The following TBCD variants were observed in gnomAD, a reference collection of about 807,000 sequenced individuals.
TBCD encodes tubulin folding cofactor D, also known as tubulin-specific chaperone D.
TBCD carries 105 observed loss-of-function variants against 169.3 expected under a neutral mutation model. The ratio of observed to expected loss-of-function variants is 0.62; its 90% CI spans 0.53 to 0.73. The LOEUF (loss-of-function observed/expected upper bound fraction) is 0.73, where lower values mean the gene tolerates loss of function less well. TBCD is among the 30% of genes least tolerant of loss of function. TBCD has a pLI of 0.00. For synonymous variants in TBCD, 700 were observed against 643.9 expected (o/e 1.09, Z -1.32); for missense variants, 1,444 against 1,600.1 (o/e 0.90, Z 1.66).
rs186304812 is a variant in TBCD, at chr17:82,757,199, G to T, written c.235+984G>T. On this transcript the variant is annotated intron_variant, in intron 2 of 38. Transcript: ENST00000355528. ...CAGTTTTTGAGCTGCTCTTTGCCGG[G>T]GTTTCCTCGCCCCCCGTGGTGTTGA... 2.7e-3 allele frequency among the ~76,000 whole-genome samples: 411 copies of T among 152,264 alleles called. 2 individuals are homozygous for T. Among genetic ancestry groups the T allele is most frequent in the East Asian group, 6.2e-3 (32 of 5,186 alleles).
chr17:82,906,835 G>A (rs1385280531), intron 20 of TBCD, among the ~76,000 whole-genome samples: 4 of 152,368 alleles, frequency 2.6e-5, no homozygotes, highest in South Asian at 2.1e-4. Flanking sequence ...ACGCTCGCTC[G>A]TGTGGGTGCA....
intron 7 of TBCD, among the ~76,000 whole-genome samples, chr17:82,784,159 C>T (rs1455183084): frequency 6.6e-6 from 1 of 152,034 alleles, no homozygotes; most frequent in East Asian, 1.9e-4. Flanking sequence ...CAACTTAATA[C>T]TTTCAGTACC....
intron 14 of TBCD, among the ~76,000 whole-genome samples, chr17:82,879,455 C>T (rs1224785428): frequency 6.6e-6 from 1 of 152,238 alleles, no homozygotes; most frequent in Non-Finnish European, 1.5e-5. Flanking sequence ...GAGCAACAGA[C>T]TCACCACTCA....
At position 82,880,928 on chromosome 17, in the gene TBCD, G is replaced by C. The variant is rs537830742; in HGVS notation, c.1476-3217G>C. 3.2e-5 allele frequency among the ~76,000 whole-genome samples: 4 copies of C among 123,532 alleles called. No individual in the cohort carries two copies. Among genetic ancestry groups the C allele is most frequent in the Non-Finnish European group, 5.9e-5 (3 of 51,036 alleles). The allele number at this position is 123,532 out of a possible 152,430, so 81.0% of individuals were successfully genotyped here. On this transcript the variant is annotated intron_variant, in intron 14 of 38. Coordinates refer to ENST00000355528, the MANE Select transcript of TBCD (RefSeq NM_005993.5). This position sits in a 1 kb window ranked among gnomAD's most constrained non-coding sequence, Gnocchi z 5.0. Reference sequence around the variant, plus strand: ...CTTTGGATGGCTCCAGGCGGAACTCGGGGAAGGAGGCCGTGTACTCCCATA... The same window carrying C: ...CTTTGGATGGCTCCAGGCGGAACTCCGGGAAGGAGGCCGTGTACTCCCATA...
intron 7 of TBCD, among the ~76,000 whole-genome samples, chr17:82,794,959 GC>G (rs2049997661): frequency 6.6e-6 from 1 of 152,226 alleles, no homozygotes; most frequent in African/African-American, 2.4e-5. Flanking sequence ...ATGGTGGCGG[GC>G]CCTGGCCTTG....
At chr17:82,888,928 C>G (rs189912635) in intron 15 of TBCD, among the ~76,000 whole-genome samples, 1 of 152,188 alleles carries the variant, frequency 6.6e-6, no homozygotes, top group African/African-American at 2.4e-5. Flanking sequence ...CGTGGGTGCA[C>G]TTTGCTGGGT....
At chr17:82,853,675 G>A (rs143978216) in intron 13 of TBCD, among the ~76,000 whole-genome samples, 2 of 152,056 alleles carry the variant, frequency 1.3e-5, no homozygotes, top group East Asian at 1.9e-4. Context: ...AAAGTATTGC[G>A]ATTACAGGCA....
chr17:82,753,605 C>T (rs968057900), intron 1 of TBCD, among the ~76,000 whole-genome samples: 1 of 151,552 alleles, frequency 6.6e-6, no homozygotes, highest in Non-Finnish European at 1.5e-5. Context: ...TACAGGCGCG[C>T]GCCACCACGC....
intron 9 of TBCD, among the ~76,000 whole-genome samples, chr17:82,805,156 G>A (rs927516206): frequency 5.3e-5 from 8 of 152,264 alleles, no homozygotes; most frequent in Non-Finnish European, 8.8e-5. Context: ...GCTGCACGCC[G>A]AGCGCAGACT....
At chr17:82,914,619 C>G (rs6502014) in intron 23 of TBCD, among the ~76,000 whole-genome samples, 8,385 of 152,294 alleles carry the variant, frequency 0.055, 533 homozygotes, top group African/African-American at 0.15. Flanking sequence ...CCATGCTGCC[C>G]ACGCCCTCCC....
intron 13 of TBCD, among the ~76,000 whole-genome samples, chr17:82,846,674 CCT>C (rs1015747985): frequency 6.6e-6 from 1 of 152,236 alleles, no homozygotes; most frequent in African/African-American, 2.4e-5. Context: ...GGCCTGGACA[CCT>C]CTCTGCCCCC....
rs1345816565 is a variant in TBCD, at chr17:82,915,345, G to A, written c.2038+3556G>A. Among the ~76,000 whole-genome samples, 2 of 152,180 alleles carry A rather than the reference G, an allele frequency of 1.3e-5. No homozygotes were observed. The highest frequency in any genetic ancestry group is 6.5e-5 in the Admixed American group (1 of 15,280). ...GTGGCTCAACCCTTGGGAGTCGTCT[G>A]CGTCCCCATATCAAAGAAATGTCAT... On this transcript the variant is annotated intron_variant, in intron 23 of 38. Transcript: ENST00000355528. This position sits in a 1 kb window ranked among gnomAD's most constrained non-coding sequence, Gnocchi z 4.3.
intron 32 of TBCD, chr17:82,929,745 G>T: frequency 3.2e-6 from 2 of 624,122 alleles, no homozygotes; most frequent in South Asian, 1.9e-5. Flanking sequence ...TCCTGCGGCC[G>T]CAGCCTTGGA....
At chr17:82,925,192 C>G in intron 27 of TBCD, 135 bp downstream of exon 27, 4 of 726,098 alleles carry the variant, frequency 5.5e-6, no homozygotes, top group Non-Finnish European at 8.9e-6. Context: ...TGGAAACCGG[C>G]ACCTGTGGCC....
intron 13 of TBCD, among the ~76,000 whole-genome samples, chr17:82,848,394 G>A (rs2055339242): frequency 6.6e-6 from 1 of 152,048 alleles, no homozygotes. Context: ...TCTTTGATTG[G>A]GAAACCCAAT....
chr17:82,902,176 C>T (rs1006143091), intron 18 of TBCD, among the ~76,000 whole-genome samples: 3 of 152,128 alleles, frequency 2.0e-5, no homozygotes, highest in Non-Finnish European at 4.4e-5. Context: ...GCGGAACGGC[C>T]CTCATTGTCT....
Position 82,889,500 on chromosome 17 carries a change from T to TA in TBCD, c.1534-163dup, listed in dbSNP as rs971421157. On this transcript the variant is annotated intron_variant, in intron 15 of 38. Coordinates refer to ENST00000355528, the MANE Select transcript of TBCD (RefSeq NM_005993.5). The surrounding 1 kb of genome is among the most constrained non-coding windows in gnomAD (Gnocchi z 5.3). ...TGTGGTTTTAAAGAGCACCAGGACG[T>TA]AAAAACAGAGTGACGCACCTTGAGG... 1.1e-4 allele frequency among the ~76,000 whole-genome samples: 17 copies of TA among 152,324 alleles called. No individual in the cohort carries two copies. The highest frequency in any genetic ancestry group is 9.8e-4 in the Admixed American group (15 of 15,308).
chr17:82,810,819 C>A (rs138681145), intron 12 of TBCD, among the ~76,000 whole-genome samples: 248 of 152,340 alleles, frequency 1.6e-3, no homozygotes, highest in Middle Eastern at 3.4e-3. Context: ...CTCCAGTTCG[C>A]GTTGCCTGTC....
rs1296034319 is a variant in TBCD at position 82,819,816 on chromosome 17, C to CT, written c.1318+4888dup. Among the ~76,000 whole-genome samples, 4 of 152,174 alleles carry CT rather than the reference C, an allele frequency of 2.6e-5. No individual in the cohort carries two copies. The East Asian group carries it at 5.8e-4, about 22-fold the overall frequency. ...GTGGTCCTGGCGTAGGTCCTTTCAC[C>CT]TTTTTTGTGGCTCCTCTTTGAACAC... is the stretch of plus-strand genomic sequence containing the variant. On this transcript the variant is annotated intron_variant, in intron 13 of 38. Transcript: ENST00000355528.
Sources: gnomAD v4.1 joint callset for allele counts (sites outside exome capture counted in the v4.1 genomes callset) on GRCh38, gnomAD v4.1.1 for gene constraint, Gnocchi (gnomAD v3.1) non-coding constraint, MANE v1.5 for transcripts, NCBI Gene and HGNC (gene_info 2026-07-23, HGNC 2026-07-21) for gene names.